Variants in PHF3 observed in about 807,000 individuals in gnomAD.
The protein encoded by PHF3 is PHD finger protein 3.
Under a neutral mutation model 178.4 loss-of-function variants are expected in PHF3, and 41 were observed. The ratio of observed to expected loss-of-function variants is 0.23; its 90% CI spans 0.18 to 0.30. PHF3 has a LOEUF of 0.30. Among genes scored for constraint, PHF3 ranks in the 10% least tolerant of loss-of-function variants. PHF3 has a pLI of 1.00. For missense variants in PHF3, 2,346 were observed against 2,398.1 expected (o/e 0.98, Z 0.45); for synonymous variants, 842 against 800.5 (o/e 1.05, Z -0.88).
At chr6:63,686,759 T>C (rs987476315) in intron 4 of PHF3, among the ~76,000 whole-genome samples, 1 of 152,250 alleles carries the variant, frequency 6.6e-6, no homozygotes, top group Non-Finnish European at 1.5e-5. Context: ...CATTATAATT[T>C]GTATATTATA....
chr6:63,658,765 G>A (rs955147268), intron 2 of PHF3, among the ~76,000 whole-genome samples: 7 of 150,140 alleles, frequency 4.7e-5, no homozygotes, highest in South Asian at 2.1e-4. Flanking sequence ...TGTTTATAAC[G>A]AGAGAGAGAG....
In PHF3 at chr6:63,725,831, A is replaced by G. The variant is rs551634334; in HGVS notation, c.*12123A>G. Among the ~76,000 whole-genome samples, 1 of 152,280 alleles carries G rather than the reference A, an allele frequency of 6.6e-6. No homozygotes were observed. Among genetic ancestry groups the G allele is most frequent in the African/African-American group, 2.4e-5 (1 of 41,572 alleles). On this transcript the variant is annotated 3_prime_UTR_variant, in exon 16 of 16. Coordinates refer to ENST00000262043, the MANE Select transcript of PHF3 (RefSeq NM_001370348.2). ...CAAATGTAATTATTTCTCAATATCA[A>G]AATTGTTTCTCATTTTCTGAGAGAC...
At chr6:63,657,015 G>A (rs772080223) in intron 2 of PHF3, among the ~76,000 whole-genome samples, 2 of 152,092 alleles carry the variant, frequency 1.3e-5, no homozygotes. Context: ...GGCACTTGGT[G>A]GGCCTTTTCA....
intron 2 of PHF3, among the ~76,000 whole-genome samples, chr6:63,648,671 A>T (rs1421890941): frequency 6.6e-6 from 1 of 152,156 alleles, no homozygotes; most frequent in South Asian, 2.1e-4. Flanking sequence ...ATTTTTTGAG[A>T]TACGATTTAT....
chr6:63,691,930 A>G lies in PHF3; in HGVS notation c.2383A>G (p.Ser795Gly). 1 of 1,613,598 alleles carries G rather than the reference A, an allele frequency of 6.2e-7. No homozygotes were observed. Among genetic ancestry groups the G allele is most frequent in the Non-Finnish European group, 8.5e-7 (1 of 1,179,586 alleles). The change falls in exon 5 of 16, where the codon AGT (serine) becomes GGT (glycine). Residue 795 changes from serine to glycine, a missense_variant. Ser to Gly is a moderately conservative substitution (Grantham distance 56, BLOSUM62 0). Transcript: ENST00000262043. ...LENQATVEFH[S>G]GDKTMECEKL... ...AAACCAAGCTACAGTTGAATTCCAT[A>G]GTGGAGATAAAACAATGGAGTGTGA... is the stretch of plus-strand genomic sequence containing the variant.
chr6:63,669,507 T>C (rs1452983033), intron 2 of PHF3, among the ~76,000 whole-genome samples: 1 of 152,226 alleles, frequency 6.6e-6, no homozygotes, highest in Non-Finnish European at 1.5e-5. Context: ...ATTCGATCCA[T>C]TCGTCTAATT....
At chr6:63,640,456 G>GCCT (rs1164965214) in intron 1 of PHF3, among the ~76,000 whole-genome samples, 1 of 152,152 alleles carries the variant, frequency 6.6e-6, no homozygotes, top group Non-Finnish European at 1.5e-5. Flanking sequence ...GATAGTACCT[G>GCCT]CCTAATGGTT....
In PHF3 at chr6:63,685,629, CA is replaced by C; in HGVS notation, c.1909del (p.Met637Ter). 1 of 1,614,048 alleles carries C rather than the reference CA, an allele frequency of 6.2e-7. No individual in the cohort carries two copies. The highest frequency in any genetic ancestry group is 8.5e-7 in the Non-Finnish European group (1 of 1,180,010). On this transcript the variant is annotated frameshift_variant, in exon 4 of 16. Transcript: ENST00000262043. LOFTEE classifies it high-confidence loss of function. ...QCHKPQQQAP[A>X]MKTNSHVKEE... ...CATAAGCCTCAGCAACAGGCCCCAG[CA>C]ATGAAAACCAATAGTCACGTGAAGG...
intron 1 of PHF3, among the ~76,000 whole-genome samples, chr6:63,641,499 T>A (rs1764571242): frequency 6.6e-6 from 1 of 150,548 alleles, no homozygotes; most frequent in African/African-American, 2.5e-5. Context: ...TGGCCTTTGA[T>A]AGCTTTAGTG....
Position 63,708,967 on chromosome 6 carries a change from C to T in PHF3, c.3712-184C>T, listed in dbSNP as rs535985907. Among the ~76,000 whole-genome samples the T allele has an allele frequency of 2.6e-5, 4 of 152,244 alleles. No homozygotes were observed. The South Asian group carries it at 8.3e-4, about 32-fold the overall frequency. On this transcript the variant is annotated intron_variant, in intron 13 of 15. Coordinates refer to ENST00000262043, the MANE Select transcript of PHF3 (RefSeq NM_001370348.2). ...TTAGGCAACAGTCATTTGTAGTTGG[C>T]ATTTCAAGTAAAACCTAATTGCTCT...
intron 1 of PHF3, among the ~76,000 whole-genome samples, chr6:63,643,169 C>T (rs1764650105): frequency 6.6e-6 from 1 of 152,002 alleles, no homozygotes; most frequent in Non-Finnish European, 1.5e-5. Flanking sequence ...CAGGGTACCA[C>T]ATTGTGTTTA....
chr6:63,711,861 G>A lies in PHF3; in HGVS notation c.4273G>A (p.Val1425Ile). Residue 1425 changes from valine (V) to isoleucine (I), a missense_variant, in exon 16 of 16, where the codon GTT becomes ATT. By Grantham distance (29) the Val-to-Ile change is conservative. Transcript: ENST00000262043. Reference sequence around the variant, plus strand: ...TCTTCAGGAAGACCTTCCAACAGCAGTTGAACCTTTAATGGAAGTCACCAA... The same window carrying A: ...TCTTCAGGAAGACCTTCCAACAGCAATTGAACCTTTAATGGAAGTCACCAA... ...QNLQEDLPTA[V>I]EPLMEVTKQE... is the part of the protein sequence containing the mutation. 6.2e-7 allele frequency: 1 copy of A among 1,614,098 alleles called. No individual in the cohort carries two copies. Among genetic ancestry groups the A allele is most frequent in the South Asian group, 1.1e-5 (1 of 91,080 alleles).
At position 63,659,206 on chromosome 6, in the gene PHF3, A is replaced by G. The variant is rs540484178; in HGVS notation, c.244+12411A>G. ...TTAATTAATTTGATTTAGCCATTCC[A>G]CAATGTATACATATATCAAAATATG... On this transcript the variant is annotated intron_variant, in intron 2 of 15. Transcript: ENST00000262043. Among the ~76,000 whole-genome samples, 3 of 152,316 alleles carry G rather than the reference A, an allele frequency of 2.0e-5. No individual in the cohort carries two copies. The South Asian group carries it at 6.2e-4, about 32-fold the overall frequency.
intron 11 of PHF3, among the ~76,000 whole-genome samples, chr6:63,704,876 A>G (rs556227789): frequency 4.6e-5 from 7 of 152,082 alleles, no homozygotes; most frequent in Admixed American, 2.0e-4. Context: ...ATCAGAGTTC[A>G]TTTTGCCTTC....
rs267601096 is a variant in PHF3, at chr6:63,711,611, A to G, written c.4023A>G (p.Leu1341=). 1.5e-5 allele frequency: 24 copies of G among 1,594,480 alleles called. No homozygotes were observed. The highest frequency in any genetic ancestry group is 4.1e-5 in the African/African-American group (3 of 73,316). Residue 1341 remains leucine (L), a synonymous_variant, in exon 16 of 16, where the codon CTA becomes CTG. Transcript: ENST00000262043. ...GGCTTGAACTGCATAGACCTAATCT[A>G]TTGTTGGGCTTAATTATTCGTCAGA... ...GPGLELHRPN[L]LLGLIIRQKL...
Position 63,702,650 on chromosome 6 carries a change from A to C in PHF3, c.3231+11A>C, listed in dbSNP as rs1417460008. The C allele has an allele frequency of 6.2e-7, 1 of 1,601,444 alleles. No homozygotes were observed. Among genetic ancestry groups the C allele is most frequent in the Non-Finnish European group, 8.5e-7 (1 of 1,173,458 alleles). On this transcript the variant is annotated intron_variant, in intron 10 of 15. Transcript: ENST00000262043. ...GCCATGGAGATTCAGGTAAGGATAG[A>C]TATGCCATGTTTTATAGCTCAAAAC...
At chr6:63,670,654 A>G (rs1422412191) in intron 2 of PHF3, among the ~76,000 whole-genome samples, 2 of 152,124 alleles carry the variant, frequency 1.3e-5, no homozygotes, top group African/African-American at 4.8e-5. Flanking sequence ...TTGAACATGG[A>G]GGTTCTCATC....
At position 63,718,401 on chromosome 6, in the gene PHF3, ATTAT is replaced by A. The variant is rs1271105947; in HGVS notation, c.*4697_*4700del. ...AGCTTTTGTTTATATGGCTTATATC[ATTAT>A]TTAGCATACTAGAAAATCAAATGAT... On this transcript the variant is annotated 3_prime_UTR_variant, in exon 16 of 16. Transcript: ENST00000262043. 6.6e-6 allele frequency among the ~76,000 whole-genome samples: 1 copy of A among 152,050 alleles called. No individual in the cohort carries two copies. The highest frequency in any genetic ancestry group is 1.5e-5 in the Non-Finnish European group (1 of 67,950).
At chr6:63,654,669 ACTT>A (rs939903543) in intron 2 of PHF3, among the ~76,000 whole-genome samples, 16 of 152,268 alleles carry the variant, frequency 1.1e-4, no homozygotes, top group Non-Finnish European at 1.9e-4. Flanking sequence ...AAGAGATTTG[ACTT>A]CTTTATGAAT....
Sources: allele counts gnomAD v4.1 joint callset (sites outside exome capture counted in the v4.1 genomes callset), GRCh38; gene constraint gnomAD v4.1.1; transcripts MANE v1.5; gene names NCBI Gene and HGNC (gene_info 2026-07-23, HGNC 2026-07-21).